ZNF487: variants seen among roughly 807,000 people sequenced by gnomAD.
The protein encoded by ZNF487 is KRAB domain only 1.
In ZNF487, 4 loss-of-function variants were observed where a neutral mutation model predicts 3.0. That is an observed-to-expected ratio of 1.35 (90% CI 0.66 to 3.08). The LOEUF (loss-of-function observed/expected upper bound fraction) is 3.08. Ranked by LOEUF, ZNF487 falls within the 30% of genes most tolerant of loss-of-function variation. ZNF487 has a pLI of 0.01. For synonymous variants in ZNF487, 55 were observed against 34.6 expected (o/e 1.59, Z -2.06); for missense variants, 146 against 98.7 (o/e 1.48, Z -2.03).
intron 1 of ZNF487, among the ~76,000 whole-genome samples, chr10:43,454,909 G>A (rs1382924902): frequency 1.6e-5 from 2 of 123,490 alleles, no homozygotes; most frequent in Admixed American, 2.0e-4. Flanking sequence ...CTACACTCCA[G>A]CCTGGGCAAC....
chr10:43,438,434 C>A (rs1839462740), intron 1 of ZNF487, among the ~76,000 whole-genome samples: 1 of 152,214 alleles, frequency 6.6e-6, no homozygotes, highest in Non-Finnish European at 1.5e-5. Context: ...GATCCACCTG[C>A]CTCAGCCCCC....
At chr10:43,466,534 C>G (rs1443225618) in intron 1 of ZNF487, among the ~76,000 whole-genome samples, 1 of 151,268 alleles carries the variant, frequency 6.6e-6, no homozygotes, top group Admixed American at 6.6e-5. Context: ...TCCTGAGTAG[C>G]TGGGATTACA....
At chr10:43,440,636 C>T (rs1266251561) in intron 1 of ZNF487, among the ~76,000 whole-genome samples, 1 of 149,798 alleles carries the variant, frequency 6.7e-6, no homozygotes, top group Non-Finnish European at 1.5e-5. Flanking sequence ...CCAGCCTGGG[C>T]AACAGAGTGA....
chr10:43,439,890 G>A lies in ZNF487; in HGVS notation c.-94+2628G>A, dbSNP rs563723301. ...AAAAGTAGAATGGTGGTTGCTAGAGGCTGCGGTAAGGAGGAATGGGAAGTT... is the reference window on the plus strand; with the variant it reads ...AAAAGTAGAATGGTGGTTGCTAGAGACTGCGGTAAGGAGGAATGGGAAGTT... On this transcript the variant is annotated intron_variant, in intron 1 of 3. Transcript: ENST00000437590. Among the ~76,000 whole-genome samples the A allele has an allele frequency of 1.4e-4, 21 of 152,146 alleles. No individual in the cohort carries two copies. The South Asian group carries it at 4.1e-3, about 30-fold the overall frequency.
chr10:43,501,613 G>A, the ZNF487 span, among the ~76,000 whole-genome samples: 7 of 80,414 alleles, frequency 8.7e-5, no homozygotes, highest in Non-Finnish European at 1.8e-4. Context: ...AGTGGCATGC[G>A]CCTGTAGTCC....
At chr10:43,466,699 C>G (rs1329914366) in intron 1 of ZNF487, among the ~76,000 whole-genome samples, 1 of 152,184 alleles carries the variant, frequency 6.6e-6, no homozygotes, top group Non-Finnish European at 1.5e-5. Flanking sequence ...CCATGCCCAG[C>G]TGGTTTACTG....
At chr10:43,446,602 C>A (rs1250640832) in intron 1 of ZNF487, among the ~76,000 whole-genome samples, 1 of 150,698 alleles carries the variant, frequency 6.6e-6, no homozygotes, top group African/African-American at 2.5e-5. Context: ...GACAGGGCGG[C>A]CGGGCAGGGG....
the ZNF487 span, among the ~76,000 whole-genome samples, chr10:43,499,642 T>G: frequency 6.6e-6 from 1 of 151,900 alleles, no homozygotes; most frequent in African/African-American, 2.4e-5. Context: ...CCCCATCTAC[T>G]TGTGAGGCTG....
In ZNF487 at chr10:43,481,951, G is replaced by C. The variant is rs766082889; in HGVS notation, c.*29G>C. The C allele has an allele frequency of 7.8e-5, 48 of 616,474 alleles. No individual in the cohort carries two copies. The highest frequency in any genetic ancestry group is 1.2e-4 in the Non-Finnish European group (42 of 347,722). 38.2% of individuals were successfully genotyped at this position (616,474 alleles called of 1,614,324 possible). A position where few individuals can be genotyped will look rare whatever the true frequency, so the allele number is the denominator to read the frequency against. ...TAATGAACATGTGAGAGCCTTTTCC[G>C]ATAGACCAATATTCATTGTTCATCA... On this transcript the variant is annotated 3_prime_UTR_variant, in exon 4 of 4. Transcript: ENST00000437590.
rs555830855 is a variant in ZNF487, at chr10:43,464,344, G to A, written c.-93-11377G>A. Among the ~76,000 whole-genome samples, 10 of 151,590 alleles carry A rather than the reference G, an allele frequency of 6.6e-5. No individual in the cohort carries two copies. In the East Asian group the frequency reaches 1.9e-3, roughly 29 times the overall value. ...ATTACAGGTGTGTGCCACCATGCCC[G>A]GCTAATTGTTTGTATTTTTATTTTA... is the stretch of plus-strand genomic sequence containing the variant. On this transcript the variant is annotated intron_variant, in intron 1 of 3. Transcript: ENST00000437590.
At chr10:43,508,975 G>T in the ZNF487 span, among the ~76,000 whole-genome samples, 1 of 152,066 alleles carries the variant, frequency 6.6e-6, no homozygotes. Context: ...CAGGCAGATT[G>T]CTTGAACTCA....
intron 1 of ZNF487, chr10:43,454,647 A>T (rs1461923636): frequency 2.6e-5 from 4 of 152,198 alleles, no homozygotes; most frequent in Admixed American, 2.6e-4. Flanking sequence ...TAAACTTTGG[A>T]TTTTTAATTA....
the ZNF487 span, among the ~76,000 whole-genome samples, chr10:43,496,816 A>G: frequency 2.6e-5 from 4 of 152,020 alleles, no homozygotes; most frequent in Non-Finnish European, 4.4e-5. Flanking sequence ...AGAGAGCTAG[A>G]GAGCTCTTTG....
intron 1 of ZNF487, among the ~76,000 whole-genome samples, chr10:43,463,552 A>T (rs1263532677): frequency 1.7e-4 from 24 of 145,276 alleles, no homozygotes; most frequent in Non-Finnish European, 2.4e-4. Flanking sequence ...AAAAAAAAAA[A>T]TTTTTTTTTT....
chr10:43,446,446 C>T (rs1273299709), intron 1 of ZNF487, among the ~76,000 whole-genome samples: 21 of 139,692 alleles, frequency 1.5e-4, no homozygotes, highest in Non-Finnish European at 2.6e-4. Context: ...ACAGGGTCGC[C>T]GCCGGGCAGA....
At chr10:43,489,275 A>G in the ZNF487 span, among the ~76,000 whole-genome samples, 5 of 152,114 alleles carry the variant, frequency 3.3e-5, no homozygotes, top group Non-Finnish European at 1.5e-5. Flanking sequence ...ACATAGAAAG[A>G]CTCCATTTCT....
At position 43,481,778 on chromosome 10, in the gene ZNF487, C is replaced by G; in HGVS notation, c.480C>G (p.Ala160=). 1.4e-6 allele frequency: 1 copy of G among 712,058 alleles called. No homozygotes were observed. The highest frequency in any genetic ancestry group is 2.6e-6 in the Non-Finnish European group (1 of 385,034). The allele number at this position is 712,058 out of a possible 1,614,324, so 44.1% of individuals were successfully genotyped here. ...TGGAATATGATGGAAATGGGAAAGCCGTCTCTCAGAATGAGGACTTATTTA... is the reference window on the plus strand; with the variant it reads ...TGGAATATGATGGAAATGGGAAAGCGGTCTCTCAGAATGAGGACTTATTTA... ...KPLEYDGNGK[A]VSQNEDLFRH... The change falls in exon 4 of 4, where the codon GCC becomes GCG. Residue 160 remains alanine, a synonymous_variant. Transcript: ENST00000437590.
downstream of ZNF487, among the ~76,000 whole-genome samples, chr10:43,488,033 C>T (rs568761159): frequency 4.0e-5 from 6 of 149,792 alleles, no homozygotes; most frequent in Admixed American, 1.3e-4. Flanking sequence ...AACAGGGAGG[C>T]GGAGTTTGGA....
At chr10:43,471,378 G>A (rs1408727332) in intron 1 of ZNF487, among the ~76,000 whole-genome samples, 3 of 152,174 alleles carry the variant, frequency 2.0e-5, no homozygotes, top group African/African-American at 7.2e-5. Context: ...GAGTGTTACG[G>A]TGCTCTGTTA....
Sources: allele counts gnomAD v4.1 joint callset (sites outside exome capture counted in the v4.1 genomes callset), GRCh38; gene constraint gnomAD v4.1.1; transcripts MANE v1.5; gene names NCBI Gene and HGNC (gene_info 2026-07-23, HGNC 2026-07-21).